Variants in NUP210 observed in about 807,000 individuals in gnomAD.
The protein encoded by NUP210 is nuclear pore membrane glycoprotein 210.
Under a neutral mutation model 196.0 loss-of-function variants are expected in NUP210, and 151 were observed. That is an observed-to-expected ratio of 0.77 (90% confidence interval 0.67 to 0.88). The LOEUF (loss-of-function observed/expected upper bound fraction) is 0.88. Ranked by LOEUF, NUP210 falls within the 40% of genes least tolerant of loss-of-function variation. The pLI, the probability that NUP210 is intolerant of heterozygous loss-of-function variation, is 0.00. For missense variants in NUP210, 2,314 were observed against 2,493.7 expected (o/e 0.93, Z 1.53); for synonymous variants, 1,070 against 1,052.7 (o/e 1.02, Z -0.32).
chr3:13,317,744 C>G lies in NUP210; in HGVS notation c.5601G>C (p.Leu1867Phe). The G allele has an allele frequency of 6.2e-7, 1 of 1,611,886 alleles. No individual in the cohort carries two copies. Among genetic ancestry groups the G allele is most frequent in the Non-Finnish European group, 8.5e-7 (1 of 1,179,188 alleles). Residue 1867 changes from leucine to phenylalanine, a missense_variant, in exon 40 of 40, where the codon TTG becomes TTC. Transcript: ENST00000254508. ...GAGGGCTGGCTTTGCGAGCAGGAGG[C>G]AATGCATTGGGAGATGTGGGTGATG... The part of the protein sequence containing the change: ...AASSPTSPNA[L>F]PPARKASPPS...
intron 6 of NUP210, among the ~76,000 whole-genome samples, chr3:13,384,570 A>G (rs1195145018): frequency 1.3e-5 from 2 of 152,228 alleles, no homozygotes; most frequent in African/African-American, 2.4e-5. Flanking sequence ...CCAAGTCTCT[A>G]AAAAATAAAA....
intron 18 of NUP210, among the ~76,000 whole-genome samples, 197 bp downstream of exon 18, chr3:13,353,357 C>T (rs2124880703): frequency 6.6e-6 from 1 of 152,308 alleles, no homozygotes; most frequent in Middle Eastern, 3.4e-3. Context: ...CCTTCCCATT[C>T]CCACCTCCAA....
chr3:13,353,415 C>G, intron 18 of NUP210, 139 bp downstream of exon 18: 1 of 693,954 alleles, frequency 1.4e-6, no homozygotes, highest in Non-Finnish European at 2.5e-6. Context: ...CTCCTGGGGC[C>G]TCCAAGAGGC....
At chr3:13,318,136 G>A (rs182318476) in intron 39 of NUP210, among the ~76,000 whole-genome samples, 7 of 152,338 alleles carry the variant, frequency 4.6e-5, no homozygotes, top group East Asian at 3.9e-4. Flanking sequence ...CAAAGACCCC[G>A]AGGGGAGCAG....
At chr3:13,360,600 G>A in intron 14 of NUP210, 109 bp from the exon 15 acceptor site, 1 of 755,796 alleles carries the variant, frequency 1.3e-6, no homozygotes, top group Non-Finnish European at 2.1e-6. Flanking sequence ...TGGTGGTCAG[G>A]CAAGCCCCAT....
chr3:13,386,279 A>T lies in NUP210; in HGVS notation c.813T>A (p.Ile271=), dbSNP rs754270739. 21 of 1,612,854 alleles carry T rather than the reference A, an allele frequency of 1.3e-5. No homozygotes were observed. Among genetic ancestry groups the T allele is most frequent in the African/African-American group, 2.7e-5 (2 of 74,884 alleles). Residue 271 remains isoleucine (I), a synonymous_variant, in exon 6 of 40, where the codon ATT becomes ATA. Coordinates refer to ENST00000254508, the MANE Select transcript of NUP210 (RefSeq NM_024923.4). ...ATGGCAGAGCCAATGACACACCTGT[A>T]ATTTTCCCTTGCCTGATCTTCTGCA... ...YKVQKIRQGK[I]TELSMPSDQY...
intron 15 of NUP210, among the ~76,000 whole-genome samples, chr3:13,358,751 T>C (rs1398809595): frequency 6.6e-6 from 1 of 152,144 alleles, no homozygotes; most frequent in East Asian, 1.9e-4. Context: ...GGAGTCCATA[T>C]GGAGGTGAAA....
chr3:13,375,628 T>G lies in NUP210; in HGVS notation c.1307A>C (p.His436Pro). The G allele has an allele frequency of 6.2e-7, 1 of 1,613,878 alleles. No individual in the cohort carries two copies. The highest frequency in any genetic ancestry group is 8.5e-7 in the Non-Finnish European group (1 of 1,179,964). ...GTTCCACACAGGCACCTGTAGTATG[T>G]GGACCCCTCCATCCTACAAGGGGTG... ...TSVVDQDGGV[H>P]ILQVPVWNQQ... is the part of the protein sequence containing the mutation. Residue 436 changes from histidine (H) to proline (P), a missense_variant, in exon 11 of 40, where the codon CAC becomes CCC. By Grantham distance (77) the His-to-Pro change is moderately conservative. Transcript: ENST00000254508.
chr3:13,372,003 C>A lies in NUP210; in HGVS notation c.1617G>T (p.Glu539Asp). 6.3e-7 allele frequency: 1 copy of A among 1,591,398 alleles called. No homozygotes were observed. The highest frequency in any genetic ancestry group is 8.6e-7 in the Non-Finnish European group (1 of 1,168,278). Residue 539 changes from glutamate (E) to aspartate (D), a missense_variant, in exon 13 of 40, where the codon GAG (glutamate) becomes GAT (aspartate). By Grantham distance (45) the Glu-to-Asp change is conservative. Transcript: ENST00000254508. ...KVYVIEPHSM[E>D]FAPCQVEARV... ...GTGCCTCCACCTGGCACGGGGCAAA[C>A]TCCATGCTGTGGGGCTCGATCACAT...
chr3:13,364,672 T>C (rs548097680), intron 14 of NUP210, among the ~76,000 whole-genome samples: 1 of 151,926 alleles, frequency 6.6e-6, no homozygotes, highest in African/African-American at 2.4e-5. Context: ...CTACTAAAAA[T>C]ACAAAATTAG....
chr3:13,375,603 G>C lies in NUP210; in HGVS notation c.1332C>G (p.Asn444Lys). Residue 444 changes from asparagine to lysine, a missense_variant, in exon 11 of 40, where the codon AAC becomes AAG. By Grantham distance (94) the Asn-to-Lys change is moderately conservative (BLOSUM62 0). Transcript: ENST00000254508. ...GVHILQVPVW[N>K]QQEVEIHIPI... ...GGATGTGAATTTCCACCTCCTGCTG[G>C]TTCCACACAGGCACCTGTAGTATGT... The C allele has an allele frequency of 6.2e-7, 1 of 1,614,048 alleles. No homozygotes were observed. Among genetic ancestry groups the C allele is most frequent in the Non-Finnish European group, 8.5e-7 (1 of 1,180,008 alleles).
chr3:13,325,738 T>A, intron 33 of NUP210, 57 bp downstream of exon 33: 1 of 1,592,380 alleles, frequency 6.3e-7, no homozygotes, highest in Non-Finnish European at 8.6e-7. Flanking sequence ...TCCCAGAAGG[T>A]CAGGCCCGCC....
rs77232622 is a variant in NUP210, at chr3:13,338,703, C to A, written c.3472-786G>T. On this transcript the variant is annotated intron_variant, in intron 25 of 39. Coordinates refer to ENST00000254508, the MANE Select transcript of NUP210 (RefSeq NM_024923.4). ...ACCAGAATCACATTCCAGGCATGGA[C>A]AAGGCGCCGCAGGTGAAACCTCTGC... 2.8e-3 allele frequency among the ~76,000 whole-genome samples: 420 copies of A among 152,296 alleles called. 3 individuals carry two copies. Among genetic ancestry groups the A allele is most frequent in the African/African-American group, 9.7e-3 (403 of 41,554 alleles).
chr3:13,413,015 C>G (rs1700227969), intron 1 of NUP210, among the ~76,000 whole-genome samples: 1 of 150,138 alleles, frequency 6.7e-6, no homozygotes. Flanking sequence ...GCCTGTAATC[C>G]CAGCACTTTG....
intron 30 of NUP210, 107 bp downstream of exon 30, chr3:13,330,353 C>A: frequency 9.1e-7 from 1 of 1,093,984 alleles, no homozygotes; most frequent in Non-Finnish European, 1.3e-6. Flanking sequence ...TGCCTGTCTA[C>A]AGTTTCTTAG....
At chr3:13,318,614 G>GGAGCT (rs1018339517) in intron 39 of NUP210, among the ~76,000 whole-genome samples, 4 of 152,324 alleles carry the variant, frequency 2.6e-5, no homozygotes, top group African/African-American at 9.6e-5. Flanking sequence ...GGTGCTCCCT[G>GGAGCT]GAGCTGTGCA....
At chr3:13,334,843 T>G (rs1292207665) in intron 28 of NUP210, among the ~76,000 whole-genome samples, 1 of 152,140 alleles carries the variant, frequency 6.6e-6, no homozygotes, top group Non-Finnish European at 1.5e-5. Flanking sequence ...CTAGACGCAG[T>G]CCTGACCCCT....
chr3:13,371,307 T>A (rs1419185620), intron 13 of NUP210, among the ~76,000 whole-genome samples: 1 of 152,148 alleles, frequency 6.6e-6, no homozygotes, highest in Non-Finnish European at 1.5e-5. Flanking sequence ...CAATAACAGA[T>A]CCTTCTCCTA....
chr3:13,373,860 C>G lies in NUP210; in HGVS notation c.1445G>C (p.Ser482Thr). Residue 482 changes from serine (S) to threonine (T), a missense_variant, in exon 12 of 40, where the codon AGT becomes ACT. Physicochemically the swap from Ser to Thr is moderately conservative, Grantham distance 58. Transcript: ENST00000254508. ...TGACGAAGACCAGCTGAAGTTCCCACTGCCACCGTGGGCCTGCGGAGGAAA... is the reference window on the plus strand; with the variant it reads ...TGACGAAGACCAGCTGAAGTTCCCAGTGCCACCGTGGGCCTGCGGAGGAAA... ...YQYTIRAHGG[S>T]GNFSWSSSSH... 1.2e-6 allele frequency: 2 copies of G among 1,613,596 alleles called. No homozygotes were observed.
Sources: allele counts gnomAD v4.1 joint callset (sites outside exome capture counted in the v4.1 genomes callset), GRCh38; gene constraint gnomAD v4.1.1; transcripts MANE v1.5; gene names NCBI Gene and HGNC (gene_info 2026-07-23, HGNC 2026-07-21).